Variants in HPCAL1 observed in about 807,000 individuals in gnomAD.
The protein encoded by HPCAL1 is hippocalcin-like protein 1.
In HPCAL1, 8 loss-of-function variants were observed where a neutral mutation model predicts 17.1. The observed-to-expected ratio is 0.47, with a 90% CI of 0.27 to 0.84. HPCAL1 has a LOEUF of 0.84. Among genes scored for constraint, HPCAL1 ranks in the 40% least tolerant of loss-of-function variants. The probability of loss-of-function intolerance (pLI) is 0.13; values close to 1 mark genes in which losing one functional copy is unlikely to be tolerated. For missense variants in HPCAL1, 165 were observed against 271.1 expected (o/e 0.61, Z 2.75); for synonymous variants, 112 against 111.4 (o/e 1.01, Z -0.03).
At position 10,363,519 on chromosome 2, in the gene HPCAL1, C is replaced by G. The variant is rs367581731; in HGVS notation, c.-110-33316C>G. On this transcript the variant is annotated intron_variant, in intron 1 of 4. Coordinates refer to ENST00000307845, the MANE Select transcript of HPCAL1 (RefSeq NM_002149.4). This position sits in a 1 kb window ranked among gnomAD's most constrained non-coding sequence, Gnocchi z 4.7. ...TCCTGCCTATACCCTCTACACGTGG[C>G]GTTTCAGGTCTGGAGAGTCATGTGG... is the stretch of plus-strand genomic sequence containing the variant. Among the ~76,000 whole-genome samples the G allele has an allele frequency of 2.0e-5, 3 of 152,154 alleles. No homozygotes were observed. Among genetic ancestry groups the G allele is most frequent in the Non-Finnish European group, 2.9e-5 (2 of 68,028 alleles).
chr2:10,378,248 T>TC (rs775950855), intron 1 of HPCAL1, among the ~76,000 whole-genome samples: 7 of 113,840 alleles, frequency 6.1e-5, no homozygotes, highest in African/African-American at 1.1e-4. Context: ...TTTTTTTTTT[T>TC]ACTGCTTTGA....
chr2:10,415,713 C>T (rs1271238451), intron 2 of HPCAL1, among the ~76,000 whole-genome samples: 1 of 152,138 alleles, frequency 6.6e-6, no homozygotes, highest in Non-Finnish European at 1.5e-5. Context: ...CCCTGTTATT[C>T]GGGGGGAGTC....
intron 1 of HPCAL1, chr2:10,369,187 T>G (rs1232115569): frequency 6.6e-6 from 1 of 152,194 alleles, no homozygotes; most frequent in Non-Finnish European, 1.5e-5. Context: ...CTCTGTGATG[T>G]GGGGAGCAGA....
At chr2:10,352,466 G>A (rs1352717860) in intron 1 of HPCAL1, among the ~76,000 whole-genome samples, 1 of 152,196 alleles carries the variant, frequency 6.6e-6, no homozygotes, top group Non-Finnish European at 1.5e-5. Flanking sequence ...TGATTTCCCA[G>A]TAGGGTTTAT....
chr2:10,347,049 G>C (rs1044874809), intron 1 of HPCAL1, among the ~76,000 whole-genome samples: 2 of 145,246 alleles, frequency 1.4e-5, no homozygotes, highest in Non-Finnish European at 3.0e-5. Context: ...AGTGCTCATA[G>C]ATGAGTTTGA....
chr2:10,408,180 C>A (rs1670091713), intron 2 of HPCAL1, among the ~76,000 whole-genome samples: 1 of 152,198 alleles, frequency 6.6e-6, no homozygotes. Context: ...TTCTCACCAG[C>A]TTCATTTAGG....
intron 1 of HPCAL1, among the ~76,000 whole-genome samples, chr2:10,345,306 C>A (rs1665364274): frequency 6.6e-6 from 1 of 152,150 alleles, no homozygotes; most frequent in African/African-American, 2.4e-5. Context: ...GCGTTTTTGC[C>A]ACTTGCTAGC....
intron 1 of HPCAL1, among the ~76,000 whole-genome samples, chr2:10,389,204 C>G (rs1444397882): frequency 6.6e-6 from 1 of 152,144 alleles, no homozygotes; most frequent in African/African-American, 2.4e-5. Context: ...AAATTACCAC[C>G]CTTTTCCTAG....
In HPCAL1 at chr2:10,329,680, T is replaced by G. The variant is rs59237323; in HGVS notation, c.-111+26503T>G. Among the ~76,000 whole-genome samples the G allele has an allele frequency of 2.1e-3, 326 of 152,372 alleles. 5 individuals carry two copies. The highest frequency in any genetic ancestry group is 6.9e-3 in the African/African-American group (288 of 41,590). ...CAGCAGTGACACCGGGCTTTGTCTCTGCTTTTGACTTTTCCTCCAGTGTGA... is the reference window on the plus strand; with the variant it reads ...CAGCAGTGACACCGGGCTTTGTCTCGGCTTTTGACTTTTCCTCCAGTGTGA... On this transcript the variant is annotated intron_variant, in intron 1 of 4. Coordinates refer to ENST00000307845, the MANE Select transcript of HPCAL1 (RefSeq NM_002149.4).
chr2:10,410,393 G>GCA (rs934284182), intron 2 of HPCAL1, among the ~76,000 whole-genome samples: 33 of 144,220 alleles, frequency 2.3e-4, no homozygotes, highest in African/African-American at 7.5e-4. Flanking sequence ...CTCCCCAGCT[G>GCA]CATGTTTACA....
intron 1 of HPCAL1, among the ~76,000 whole-genome samples, chr2:10,366,731 G>A (rs1053679649): frequency 2.6e-5 from 4 of 152,146 alleles, no homozygotes; most frequent in Admixed American, 1.3e-4. Context: ...CCCCAGCCCC[G>A]GGCTTCCTGC....
intron 1 of HPCAL1, among the ~76,000 whole-genome samples, chr2:10,327,967 A>G (rs79946946): frequency 0.026 from 3,955 of 152,298 alleles, 82 homozygotes; most frequent in East Asian, 0.11. Flanking sequence ...GGCGCATTAG[A>G]TTTAGTAAGT....
Position 10,426,904 on chromosome 2 carries a change from A to G in HPCAL1, c.*83A>G. 1 of 1,309,488 alleles carries G rather than the reference A, an allele frequency of 7.6e-7. No individual in the cohort carries two copies. The highest frequency in any genetic ancestry group is 1.7e-5 in the Admixed American group (1 of 58,588). The allele number at this position is 1,309,488 out of a possible 1,614,324, so 81.1% of individuals were successfully genotyped here. The stretch of plus-strand genomic sequence containing the variant: ...TGCTTGCAAGAGTGGATGCCCCGCA[A>G]TCGTTCCTGCTCTCCCGGGCCCCGG... On this transcript the variant is annotated 3_prime_UTR_variant, in exon 5 of 5. Coordinates refer to ENST00000307845, the MANE Select transcript of HPCAL1 (RefSeq NM_002149.4).
In HPCAL1 at chr2:10,377,948, C is replaced by A. The variant is rs1159119089; in HGVS notation, c.-110-18887C>A. On this transcript the variant is annotated intron_variant, in intron 1 of 4. Coordinates refer to ENST00000307845, the MANE Select transcript of HPCAL1 (RefSeq NM_002149.4). The surrounding 1 kb of genome is among the most constrained non-coding windows in gnomAD (Gnocchi z 5.9). ...GCGGCGAAGATGCTGGTTGAGGGCACGGGTGAGGCGGGGAGGCGTTTCGAC... is the reference window on the plus strand; with the variant it reads ...GCGGCGAAGATGCTGGTTGAGGGCAAGGGTGAGGCGGGGAGGCGTTTCGAC... Among the ~76,000 whole-genome samples the A allele has an allele frequency of 6.6e-6, 1 of 152,106 alleles. No homozygotes were observed. The highest frequency in any genetic ancestry group is 1.5e-5 in the Non-Finnish European group (1 of 68,018).
intron 1 of HPCAL1, among the ~76,000 whole-genome samples, chr2:10,333,748 T>C (rs1185177718): frequency 6.6e-6 from 1 of 152,156 alleles, no homozygotes. Flanking sequence ...CCTGCCCACC[T>C]CCATATAACT....
intron 2 of HPCAL1, among the ~76,000 whole-genome samples, chr2:10,416,864 G>A (rs2148019391): frequency 6.6e-6 from 1 of 152,208 alleles, no homozygotes; most frequent in South Asian, 2.1e-4. Context: ...TCATATTTCT[G>A]GATGATGGAG....
Position 10,367,851 on chromosome 2 carries a change from A to C in HPCAL1, c.-110-28984A>C, listed in dbSNP as rs1011105348. Among the ~76,000 whole-genome samples the C allele has an allele frequency of 1.4e-4, 21 of 151,972 alleles. No homozygotes were observed. Among genetic ancestry groups the C allele is most frequent in the Non-Finnish European group, 2.8e-4 (19 of 67,980 alleles). On this transcript the variant is annotated intron_variant, in intron 1 of 4. Coordinates refer to ENST00000307845, the MANE Select transcript of HPCAL1 (RefSeq NM_002149.4). The surrounding 1 kb of genome is among the most constrained non-coding windows in gnomAD (Gnocchi z 4.4). ...CAGTGTGGGGTGTTCAGGATTCCTC[A>C]TGTGACCCTTACCCTGCCTGCCCTG...
intron 1 of HPCAL1, among the ~76,000 whole-genome samples, chr2:10,353,402 C>T (rs1665944729): frequency 6.6e-6 from 1 of 152,188 alleles, no homozygotes; most frequent in South Asian, 2.1e-4. Flanking sequence ...CCTTCTCTTT[C>T]TGCCAAGCTC....
intron 2 of HPCAL1, among the ~76,000 whole-genome samples, chr2:10,407,767 G>T (rs550740327): frequency 6.6e-6 from 1 of 152,316 alleles, no homozygotes; most frequent in East Asian, 1.9e-4. Flanking sequence ...AGGTGCGAAG[G>T]CCCTGAGGCT....
Sources: allele counts gnomAD v4.1 joint callset (sites outside exome capture counted in the v4.1 genomes callset), GRCh38; gene constraint gnomAD v4.1.1; non-coding constraint Gnocchi (gnomAD v3.1); transcripts MANE v1.5; gene names NCBI Gene and HGNC (gene_info 2026-07-23, HGNC 2026-07-21).